Variants in DTNB observed in about 807,000 individuals in gnomAD.
DTNB encodes dystrobrevin beta, also known as DTN-B.
In DTNB, 63 loss-of-function variants were observed where a neutral mutation model predicts 90.7. The ratio of observed to expected loss-of-function variants is 0.69; its 90% CI spans 0.57 to 0.86. The LOEUF (loss-of-function observed/expected upper bound fraction) is 0.86. Among genes scored for constraint, DTNB ranks in the 40% least tolerant of loss-of-function variants. DTNB has a pLI of 0.00. For synonymous variants in DTNB, 277 were observed against 286.7 expected, an observed-to-expected ratio of 0.97 and a Z score of 0.34; for missense variants, 744 against 807.1, an observed-to-expected ratio of 0.92 and a Z score of 0.95.
intron 6 of DTNB, among the ~76,000 whole-genome samples, chr2:25,591,515 T>A (rs1481396807): frequency 6.6e-6 from 1 of 152,212 alleles, no homozygotes; most frequent in African/African-American, 2.4e-5. Context: ...ACTCTAAAGT[T>A]TGGAAAATTT....
At chr2:25,571,598 A>G (rs771575636) in intron 8 of DTNB, among the ~76,000 whole-genome samples, 7 of 152,094 alleles carry the variant, frequency 4.6e-5, no homozygotes, top group Non-Finnish European at 8.8e-5. Flanking sequence ...CATTTTCTCA[A>G]CAAGGCCTAT....
At chr2:25,670,513 T>G (rs1267901210) in intron 1 of DTNB, among the ~76,000 whole-genome samples, 1 of 152,168 alleles carries the variant, frequency 6.6e-6, no homozygotes, top group East Asian at 1.9e-4. Flanking sequence ...ACTGTTTGAG[T>G]ATCTGACAAG....
intron 1 of DTNB, among the ~76,000 whole-genome samples, chr2:25,664,689 A>G (rs11684202): frequency 0.28 from 42,818 of 152,052 alleles, 6,921 homozygotes; most frequent in Non-Finnish European, 0.38. Context: ...GCTCTTTTTA[A>G]AAGTAGGTGA....
At chr2:25,552,077 C>T (rs1375962013) in intron 8 of DTNB, among the ~76,000 whole-genome samples, 2 of 152,232 alleles carry the variant, frequency 1.3e-5, no homozygotes, top group Non-Finnish European at 2.9e-5. Context: ...ACTATAGTTG[C>T]TGCAAAATCT....
intron 18 of DTNB, among the ~76,000 whole-genome samples, chr2:25,385,870 C>T (rs1209446698): frequency 1.3e-5 from 2 of 152,180 alleles, no homozygotes; most frequent in African/African-American, 4.8e-5. Flanking sequence ...GCACGATGAA[C>T]GCAGAAGCCA....
chr2:25,400,788 A>G (rs1032078728), intron 16 of DTNB, among the ~76,000 whole-genome samples: 11 of 152,172 alleles, frequency 7.2e-5, no homozygotes, highest in African/African-American at 2.4e-4. Flanking sequence ...CAATAACTAA[A>G]CACAATAAAT....
chr2:25,379,268 G>A, intron 20 of DTNB, 22 bp downstream of exon 20: 1 of 1,330,332 alleles, frequency 7.5e-7, no homozygotes, highest in Non-Finnish European at 9.7e-7. Context: ...CCGTGGGGAG[G>A]CAGAGGACTC....
intron 18 of DTNB, among the ~76,000 whole-genome samples, chr2:25,384,884 CT>C (rs781402500): frequency 9.8e-4 from 144 of 146,238 alleles, no homozygotes; most frequent in African/African-American, 9.0e-4. Flanking sequence ...CTTTTCTTTT[CT>C]TTTTTTTTTT....
At chr2:25,480,619 T>C (rs541186012) in intron 10 of DTNB, among the ~76,000 whole-genome samples, 2 of 152,310 alleles carry the variant, frequency 1.3e-5, no homozygotes, top group African/African-American at 4.8e-5. Flanking sequence ...TAATAGCCTC[T>C]AGCAGCCACA....
intron 15 of DTNB, among the ~76,000 whole-genome samples, chr2:25,426,338 G>A (rs948609933): frequency 6.6e-6 from 1 of 152,170 alleles, no homozygotes; most frequent in South Asian, 2.1e-4. Flanking sequence ...TGAGGACTTG[G>A]ATAGAAGAAA....
chr2:25,391,542 G>C (rs910619008), intron 16 of DTNB, among the ~76,000 whole-genome samples: 8 of 152,102 alleles, frequency 5.3e-5, no homozygotes, highest in African/African-American at 1.9e-4. Flanking sequence ...ACTACAATGA[G>C]ACATCACCGC....
At chr2:25,496,556 T>C (rs2068884418) in intron 9 of DTNB, among the ~76,000 whole-genome samples, 1 of 152,050 alleles carries the variant, frequency 6.6e-6, no homozygotes, top group Admixed American at 6.6e-5. Flanking sequence ...AGAAGAGATA[T>C]AGTGGGGCTG....
intron 9 of DTNB, among the ~76,000 whole-genome samples, 183 bp from the exon 10 acceptor site, chr2:25,483,056 G>T (rs988843931): frequency 2.6e-5 from 4 of 151,780 alleles, no homozygotes; most frequent in East Asian, 1.9e-4. Context: ...GACCCATGGA[G>T]GGGGGGAACC....
chr2:25,647,214 C>G (rs950154629), intron 2 of DTNB, among the ~76,000 whole-genome samples: 8 of 152,140 alleles, frequency 5.3e-5, no homozygotes, highest in Non-Finnish European at 7.4e-5. Flanking sequence ...AAAGGATTCA[C>G]TTTCCTAGAT....
intron 10 of DTNB, among the ~76,000 whole-genome samples, chr2:25,458,794 G>A (rs1424895515): frequency 1.3e-5 from 2 of 152,082 alleles, no homozygotes; most frequent in South Asian, 2.1e-4. Context: ...ACAGGTGCCC[G>A]CCACCAAGGC....
chr2:25,485,348 T>A (rs1042580733), intron 9 of DTNB, among the ~76,000 whole-genome samples: 1 of 152,166 alleles, frequency 6.6e-6, no homozygotes, highest in African/African-American at 2.4e-5. Flanking sequence ...CTGCATTCAA[T>A]TTCCTTTTTG....
intron 16 of DTNB, among the ~76,000 whole-genome samples, chr2:25,418,414 G>T (rs1321255798): frequency 1.3e-5 from 2 of 152,078 alleles, no homozygotes; most frequent in African/African-American, 4.8e-5. Context: ...TTAAAAAAAT[G>T]GGTAGGCTGG....
chr2:25,540,359 T>A (rs966261956), intron 8 of DTNB, among the ~76,000 whole-genome samples: 2 of 152,260 alleles, frequency 1.3e-5, no homozygotes, highest in Admixed American at 6.5e-5. Context: ...AGGATTTATA[T>A]GTCTGTTCTT....
chr2:25,457,597 C>T (rs186724056), intron 10 of DTNB, among the ~76,000 whole-genome samples: 2 of 152,262 alleles, frequency 1.3e-5, no homozygotes, highest in East Asian at 3.9e-4. Context: ...CCCGAGAATA[C>T]TCACTGGCAG....
Sources: allele counts gnomAD v4.1 joint callset (sites outside exome capture counted in the v4.1 genomes callset), GRCh38; gene constraint gnomAD v4.1.1; transcripts MANE v1.5; gene names NCBI Gene and HGNC (gene_info 2026-07-23, HGNC 2026-07-21).